DOCK8: variants seen among roughly 807,000 people sequenced by gnomAD.
DOCK8 encodes the protein dedicator of cytokinesis 8, also known as dedicator of cytokinesis protein 8.
In DOCK8, 141 loss-of-function variants were observed where a neutral mutation model predicts 245.6. That is an observed-to-expected ratio of 0.57 (90% CI 0.50 to 0.66). The LOEUF (loss-of-function observed/expected upper bound fraction) is 0.66, where lower values mean the gene tolerates loss of function less well. Among genes scored for constraint, DOCK8 ranks in the 30% least tolerant of loss-of-function variants. The pLI is 0.00. For missense variants in DOCK8, 2,965 were observed against 2,603.4 expected (o/e 1.14, Z -3.02); for synonymous variants, 1,168 against 970.2 (o/e 1.20, Z -3.79).
intron 24 of DOCK8, 136 bp from the exon 25 acceptor site, chr9:396,649 C>G: frequency 2.5e-6 from 3 of 1,223,548 alleles, no homozygotes; most frequent in Non-Finnish European, 3.6e-6. Context: ...AGAGCTTGCT[C>G]GGGCACCACC....
intron 28 of DOCK8, among the ~76,000 whole-genome samples, chr9:408,625 T>C (rs577705373): frequency 1.3e-5 from 2 of 152,330 alleles, no homozygotes; most frequent in South Asian, 4.1e-4. Context: ...CACAAACATG[T>C]ACATACATTT....
At chr9:364,563 G>A (rs775523565) in intron 14 of DOCK8, among the ~76,000 whole-genome samples, 3 of 151,008 alleles carry the variant, frequency 2.0e-5, no homozygotes, top group African/African-American at 4.9e-5. Context: ...GAGCCCAGGA[G>A]GTCAAGGCTG....
Position 273,342 on chromosome 9 carries a change from G to A in DOCK8, c.156+1613G>A, listed in dbSNP as rs566181367. On this transcript the variant is annotated intron_variant, in intron 2 of 47. Transcript: ENST00000432829. ...TAAAGGCATGTCAAGTGCATATTGT[G>A]TCCATTTTCAGGTATATTAGATAAG... Among the ~76,000 whole-genome samples, 7 of 152,144 alleles carry A rather than the reference G, an allele frequency of 4.6e-5. No individual in the cohort carries two copies. In the South Asian group the frequency reaches 1.5e-3, roughly 32 times the overall value.
At chr9:452,906 T>G (rs1019279300) in intron 46 of DOCK8, 4 of 152,242 alleles carry the variant, frequency 2.6e-5, no homozygotes, top group African/African-American at 9.6e-5. Flanking sequence ...GGGTCTCCTA[T>G]GGTCCTAAAA....
Position 414,816 on chromosome 9 carries a change from A to G in DOCK8, c.3565A>G (p.Ile1189Val), listed in dbSNP as rs77399114. Reference sequence around the variant, plus strand: ...AGTACAAAGGAAAGCTGTCAGTGCAATTCACAGCCTGCTAAGTTCTCACGA... The same window carrying G: ...AGTACAAAGGAAAGCTGTCAGTGCAGTTCACAGCCTGCTAAGTTCTCACGA... Reference protein sequence around the residue: ...SKVQRKAVSAIHSLLSSHDLD... With the variant: ...SKVQRKAVSAVHSLLSSHDLD... Residue 1189 changes from isoleucine (I) to valine (V), a missense_variant, in exon 29 of 48, where the codon ATT (isoleucine) becomes GTT (valine). Coordinates refer to ENST00000432829, the MANE Select transcript of DOCK8 (RefSeq NM_203447.4). The G allele has an allele frequency of 3.8e-3, 6,061 of 1,614,158 alleles. 196 individuals are homozygous for G. The African/African-American group carries it at 0.069, about 18-fold the overall frequency.
At chr9:451,276 G>C (rs940105970) in intron 45 of DOCK8, among the ~76,000 whole-genome samples, 1 of 151,324 alleles carries the variant, frequency 6.6e-6, no homozygotes, top group African/African-American at 2.4e-5. Flanking sequence ...ATGCCACTGC[G>C]CTCCAGCCTG....
intron 5 of DOCK8, among the ~76,000 whole-genome samples, chr9:307,672 A>C (rs939366139): frequency 4.6e-5 from 7 of 152,002 alleles, no homozygotes; most frequent in African/African-American, 1.7e-4. Context: ...GTCTGTGTTT[A>C]AGAGCCAACT....
chr9:242,542 C>A (rs1176356595), intron 1 of DOCK8, among the ~76,000 whole-genome samples: 1 of 152,140 alleles, frequency 6.6e-6, no homozygotes, highest in East Asian at 1.9e-4. Context: ...CCCTCATATG[C>A]ATTACCTTGT....
intron 10 of DOCK8, 123 bp from the exon 11 acceptor site, chr9:334,102 T>TA: frequency 9.6e-7 from 1 of 1,046,636 alleles, no homozygotes; most frequent in Non-Finnish European, 1.4e-6. Context: ...AGTGGGAAGA[T>TA]ATGTTTTTAC....
Position 287,088 on chromosome 9 carries a change from CA to C in DOCK8, c.332+453del, listed in dbSNP as rs1371139938. On this transcript the variant is annotated intron_variant, in intron 3 of 47. Transcript: ENST00000432829. ...TTATGAGACTGGATCAAGTTAGAAA[CA>C]TAAGGTAAACCCACATTTATTGAGC... Among the ~76,000 whole-genome samples, 3 of 152,142 alleles carry C rather than the reference CA, an allele frequency of 2.0e-5. No individual in the cohort carries two copies. In the South Asian group the frequency reaches 6.2e-4, roughly 32 times the overall value.
chr9:429,739 G>A lies in DOCK8; in HGVS notation c.4511G>A (p.Cys1504Tyr), dbSNP rs2056639975. The A allele has an allele frequency of 1.9e-6, 3 of 1,614,168 alleles. No homozygotes were observed. The highest frequency in any genetic ancestry group is 2.5e-6 in the Non-Finnish European group (3 of 1,180,042). Residue 1504 changes from cysteine (C) to tyrosine (Y), a missense_variant, in exon 36 of 48, where the codon TGT becomes TAT. Cys to Tyr is a radical substitution (Grantham distance 194). This residue lies in a region of DOCK8 where 2,825 missense variants were observed against 2,453.5 expected (regional missense o/e 1.15). Coordinates refer to ENST00000432829, the MANE Select transcript of DOCK8 (RefSeq NM_203447.4). ...CTCTTTGAAGAGGAGGTGGAACAGT[G>A]TTTCGACCTATGTCACCAAGTCCTG... Reference protein sequence around the residue: ...DLLFEEEVEQCFDLCHQVLHH... With the variant: ...DLLFEEEVEQYFDLCHQVLHH...
At chr9:241,129 A>C (rs747775926) in intron 1 of DOCK8, among the ~76,000 whole-genome samples, 5 of 152,168 alleles carry the variant, frequency 3.3e-5, no homozygotes, top group African/African-American at 7.2e-5. Flanking sequence ...GTACATATTC[A>C]TGGTGGTACA....
In DOCK8 at chr9:405,078, TAAAAG is replaced by T; in HGVS notation, c.3390+8_3390+12del. 6.2e-7 allele frequency: 1 copy of T among 1,611,118 alleles called. No homozygotes were observed. The highest frequency in any genetic ancestry group is 8.5e-7 in the Non-Finnish European group (1 of 1,177,886). ...TGTCCTTCCATATCTTCCCAGGTAA[TAAAAG>T]AATTATTTAACTAAAAGAATTATTC... On this transcript the variant is annotated splice_donor_region_variant and intron_variant, in intron 27 of 47. Transcript: ENST00000432829.
chr9:307,338 GTTTTTTTTTTTTTTTTTTTT>G (rs1165775428), intron 5 of DOCK8, among the ~76,000 whole-genome samples: 2 of 51,244 alleles, frequency 3.9e-5, no homozygotes, highest in African/African-American at 5.8e-5. Context: ...GGTTTTTTTT[GTTTTTTTTTTTTTTTTTTTT>G]TTTTTTTTTT....
At chr9:288,523 A>G (rs1190570470) in intron 3 of DOCK8, among the ~76,000 whole-genome samples, 1 of 152,248 alleles carries the variant, frequency 6.6e-6, no homozygotes, top group Non-Finnish European at 1.5e-5. Context: ...TCAGTGCATA[A>G]TGCACAGTAA....
intron 1 of DOCK8, among the ~76,000 whole-genome samples, chr9:233,831 T>G (rs1351967990): frequency 3.3e-5 from 5 of 152,118 alleles, no homozygotes; most frequent in Admixed American, 3.3e-4. Context: ...AGCACACTGA[T>G]GGGTCTTGAC....
chr9:443,943 C>T (rs189979699), intron 43 of DOCK8, among the ~76,000 whole-genome samples: 113 of 152,324 alleles, frequency 7.4e-4, no homozygotes, highest in Non-Finnish European at 1.4e-3. Context: ...CAGCACTGCT[C>T]TTTACTGCCT....
At chr9:424,575 A>C (rs1459234477) in intron 33 of DOCK8, among the ~76,000 whole-genome samples, 1 of 151,942 alleles carries the variant, frequency 6.6e-6, no homozygotes, top group Non-Finnish European at 1.5e-5. Flanking sequence ...ACAACTGCTT[A>C]CTTTTTGTAT....
chr9:446,282 G>A (rs564673060), intron 43 of DOCK8, 88 bp from the exon 44 acceptor site: 33 of 1,123,028 alleles, frequency 2.9e-5, no homozygotes, highest in African/African-American at 2.3e-4. Context: ...GTGCCGGCAC[G>A]CCGTGTTCCT....
Sources: allele counts gnomAD v4.1 joint callset (sites outside exome capture counted in the v4.1 genomes callset), GRCh38; gene constraint gnomAD v4.1.1; regional missense constraint gnomAD v4.1.1; transcripts MANE v1.5; gene names NCBI Gene and HGNC (gene_info 2026-07-23, HGNC 2026-07-21).